Variants in PCDHA1 observed in about 807,000 individuals in gnomAD.
PCDHA1 encodes the protein protocadherin alpha 1.
In PCDHA1, 42 loss-of-function variants were observed where a neutral mutation model predicts 61.3. The observed-to-expected ratio is 0.69, with a 90% CI of 0.54 to 0.89. The LOEUF (loss-of-function observed/expected upper bound fraction) is 0.89. PCDHA1 is among the 40% of genes least tolerant of loss of function. The pLI, the probability that PCDHA1 is intolerant of heterozygous loss-of-function variation, is 0.00. For missense variants in PCDHA1, 1,256 were observed against 1,235.3 expected (o/e 1.02, Z -0.25); for synonymous variants, 610 against 553.8 (o/e 1.10, Z -1.43).
chr5:140,930,358 T>A (rs1253370170), intron 1 of PCDHA1: 1 of 152,216 alleles, frequency 6.6e-6, no homozygotes, highest in African/African-American at 2.4e-5. Context: ...AATATTTCAA[T>A]TTATCTGTTA....
chr5:140,939,182 C>T (rs2092333864), intron 1 of PCDHA1, among the ~76,000 whole-genome samples: 1 of 152,146 alleles, frequency 6.6e-6, no homozygotes, highest in African/African-American at 2.4e-5. Context: ...GGCCCACTCC[C>T]TGGTTCATAA....
Position 140,787,581 on chromosome 5 carries a change from G to A in PCDHA1, c.1291G>A (p.Gly431Ser), listed in dbSNP as rs375328867. Residue 431 changes from glycine (G) to serine (S), a missense_variant, in exon 1 of 4, where the codon GGC (glycine) becomes AGC (serine). Coordinates refer to ENST00000504120, the MANE Select transcript of PCDHA1 (RefSeq NM_018900.4). ...YELVVTARDG[G>S]SPSLWATARV... Reference sequence around the variant, plus strand: ...GCTGGTGGTGACCGCGCGGGACGGGGGCTCGCCTTCGCTGTGGGCCACGGC... The same window carrying A: ...GCTGGTGGTGACCGCGCGGGACGGGAGCTCGCCTTCGCTGTGGGCCACGGC... The A allele has an allele frequency of 1.0e-4, 169 of 1,614,170 alleles. 1 individual carries two copies. The Middle Eastern group carries it at 1.7e-3, about 16-fold the overall frequency.
intron 1 of PCDHA1, among the ~76,000 whole-genome samples, chr5:140,963,667 T>A (rs1206076549): frequency 6.6e-6 from 1 of 152,238 alleles, no homozygotes; most frequent in Non-Finnish European, 1.5e-5. Flanking sequence ...CTATATGGCA[T>A]AGTTAAATGT....
Position 140,925,562 on chromosome 5 carries a change from G to A in PCDHA1, c.2395-53387G>A, listed in dbSNP as rs28620116. On this transcript the variant is annotated intron_variant, in intron 1 of 3. Transcript: ENST00000504120. ...ACCTAATGTAAATGACAAGTTAATG[G>A]GTGCAGCACACCAACATGGCGCATG... 5.5e-3 allele frequency among the ~76,000 whole-genome samples: 841 copies of A among 151,670 alleles called. 7 individuals carry two copies. The highest frequency in any genetic ancestry group is 0.018 in the African/African-American group (764 of 41,334).
chr5:140,868,581 A>G (rs1554162109), intron 1 of PCDHA1: 1 of 152,846 alleles, frequency 6.5e-6, no homozygotes, highest in African/African-American at 2.4e-5. Flanking sequence ...ACTTTCAGGA[A>G]ATGTTTAACC....
chr5:140,889,720 T>C (rs1259294888), intron 1 of PCDHA1, among the ~76,000 whole-genome samples: 1 of 152,240 alleles, frequency 6.6e-6, no homozygotes, highest in African/African-American at 2.4e-5. Context: ...TCTTTGCTAC[T>C]GTCTCACTGA....
At chr5:140,886,405 GT>G (rs2060969795) in intron 1 of PCDHA1, among the ~76,000 whole-genome samples, 1 of 151,966 alleles carries the variant, frequency 6.6e-6, no homozygotes, top group Admixed American at 6.6e-5. Context: ...TCACAAATAT[GT>G]TTTCCTCCTA....
At chr5:140,809,203 T>C in intron 1 of PCDHA1, 1 of 1,613,798 alleles carries the variant, frequency 6.2e-7, no homozygotes, top group Non-Finnish European at 8.5e-7. Context: ...TTGTGGAGAG[T>C]GGACAGGCGC....
chr5:140,788,600 G>A lies in PCDHA1; in HGVS notation c.2310G>A (p.Met770Ile). The change falls in exon 1 of 4, where the codon ATG becomes ATA. Residue 770 changes from methionine to isoleucine, a missense_variant. Coordinates refer to ENST00000504120, the MANE Select transcript of PCDHA1 (RefSeq NM_018900.4). ...SSEGPPKTDL[M>I]AFSPGLSPSL... ...AGGGCCCACCCAAGACCGACCTCAT[G>A]GCCTTCAGCCCAGGCCTATCTCCAA... 1 of 1,614,164 alleles carries A rather than the reference G, an allele frequency of 6.2e-7. No homozygotes were observed. Among genetic ancestry groups the A allele is most frequent in the Non-Finnish European group, 8.5e-7 (1 of 1,180,010 alleles).
intron 1 of PCDHA1, chr5:140,861,443 C>T (rs782609099): frequency 4.1e-6 from 2 of 493,194 alleles, no homozygotes; most frequent in Non-Finnish European, 8.3e-6. Context: ...CCAAAAGCCG[C>T]AGAAACCTTC....
intron 1 of PCDHA1, chr5:140,852,618 T>C: frequency 1.1e-6 from 1 of 941,450 alleles, no homozygotes; most frequent in Non-Finnish European, 1.3e-6. Flanking sequence ...AAAACTTGAG[T>C]GGTCTCTGAG....
At position 140,859,297 on chromosome 5, in the gene PCDHA1, G is replaced by A. The variant is rs918204885; in HGVS notation, c.2394+70613G>A. 281 of 128,994 alleles carry A rather than the reference G, an allele frequency of 2.2e-3. 12 individuals are homozygous for A. The highest frequency in any genetic ancestry group is 7.5e-3 in the African/African-American group (274 of 36,598). The allele number at this position is 128,994 out of a possible 1,614,324, so 8.0% of individuals were successfully genotyped here. A position where few individuals can be genotyped will look rare whatever the true frequency, so the allele number is the denominator to read the frequency against. On this transcript the variant is annotated intron_variant, in intron 1 of 3. Coordinates refer to ENST00000504120, the MANE Select transcript of PCDHA1 (RefSeq NM_018900.4). Reference sequence around the variant, plus strand: ...TACTTTTGAGACTGAAAATACTTTAGTATGAATTAATATTAAAAGTTTGAG... The same window carrying A: ...TACTTTTGAGACTGAAAATACTTTAATATGAATTAATATTAAAAGTTTGAG...
intron 3 of PCDHA1, among the ~76,000 whole-genome samples, chr5:141,007,801 G>A (rs559830556): frequency 2.6e-5 from 4 of 152,148 alleles, no homozygotes; most frequent in African/African-American, 7.2e-5. Flanking sequence ...GCCTTTATCT[G>A]CCATTCATTT....
chr5:140,928,940 A>G (rs2085663832), intron 1 of PCDHA1: 1 of 1,613,944 alleles, frequency 6.2e-7, no homozygotes. Flanking sequence ...CAGAACTTGT[A>G]TTTAGTAATT....
intron 1 of PCDHA1, chr5:140,928,951 G>C (rs2032668535): frequency 6.2e-7 from 1 of 1,614,028 alleles, no homozygotes; most frequent in Non-Finnish European, 8.5e-7. Flanking sequence ...TTTAGTAATT[G>C]CCTTGGCTTG....
intron 1 of PCDHA1, among the ~76,000 whole-genome samples, chr5:140,961,208 A>T (rs1268712075): frequency 1.3e-5 from 2 of 152,164 alleles, no homozygotes; most frequent in African/African-American, 4.8e-5. Flanking sequence ...GTTGGTATTG[A>T]TGAAGAAACT....
chr5:140,801,857 A>G, intron 1 of PCDHA1: 1 of 1,614,138 alleles, frequency 6.2e-7, no homozygotes, highest in Non-Finnish European at 8.5e-7. Context: ...GTGGGAAACC[A>G]GAGCTCACTG....
rs1368587662 is a variant in PCDHA1 at position 140,863,465 on chromosome 5, T to C, written c.2394+74781T>C. 19 of 507,706 alleles carry C rather than the reference T, an allele frequency of 3.7e-5. No individual in the cohort carries two copies. The Admixed American group carries it at 3.9e-4, about 10-fold the overall frequency. 31.5% of individuals were successfully genotyped at this position (507,706 alleles called of 1,614,324 possible). Reference sequence around the variant, plus strand: ...ACTCGCAGCAAAGGAGATTTTACTCTGGAGAGTCGCCTCCCAAGGTCAACA... The same window carrying C: ...ACTCGCAGCAAAGGAGATTTTACTCCGGAGAGTCGCCTCCCAAGGTCAACA... On this transcript the variant is annotated intron_variant, in intron 1 of 3. Coordinates refer to ENST00000504120, the MANE Select transcript of PCDHA1 (RefSeq NM_018900.4).
chr5:140,848,313 C>G lies in PCDHA1; in HGVS notation c.2394+59629C>G, dbSNP rs1781433977. ...TGGGCCACGTGATGTCACTCTTTGCCGCGATGTTCTCTCTGAATCCAGACA... is the reference window on the plus strand; with the variant it reads ...TGGGCCACGTGATGTCACTCTTTGCGGCGATGTTCTCTCTGAATCCAGACA... On this transcript the variant is annotated intron_variant, in intron 1 of 3. Transcript: ENST00000504120. 8 of 730,624 alleles carry G rather than the reference C, an allele frequency of 1.1e-5. 1 individual carries two copies. Among genetic ancestry groups the G allele is most frequent in the Non-Finnish European group, 1.8e-5 (8 of 440,500 alleles). The allele number at this position is 730,624 out of a possible 1,614,324, so 45.3% of individuals were successfully genotyped here.
Sources: allele counts gnomAD v4.1 joint callset (sites outside exome capture counted in the v4.1 genomes callset), GRCh38; gene constraint gnomAD v4.1.1; transcripts MANE v1.5; gene names NCBI Gene and HGNC (gene_info 2026-07-23, HGNC 2026-07-21).